KAT8: variants seen among roughly 807,000 people sequenced by gnomAD.
The protein encoded by KAT8 is lysine acetyltransferase 8.
In KAT8, 40 loss-of-function variants were observed where a neutral mutation model predicts 62.9. The ratio of observed to expected loss-of-function variants is 0.64; its 90% CI spans 0.49 to 0.83. The LOEUF (loss-of-function observed/expected upper bound fraction) is 0.83, where lower values mean the gene tolerates loss of function less well. Ranked by LOEUF, KAT8 falls within the 40% of genes least tolerant of loss-of-function variation. The pLI, the probability that KAT8 is intolerant of heterozygous loss-of-function variation, is 0.00. For missense variants in KAT8, 387 were observed against 614.8 expected, an observed-to-expected ratio of 0.63 and a Z score of 3.92; for synonymous variants, 278 against 254.5, an observed-to-expected ratio of 1.09 and a Z score of -0.88.
Position 31,120,376 on chromosome 16 carries a change from G to T in KAT8, c.324G>T (p.Arg108=). Residue 108 remains arginine (R), a synonymous_variant, in exon 3 of 11, where the codon CGG becomes CGT. Transcript: ENST00000219797. The stretch of plus-strand genomic sequence containing the variant: ...TGGACGAGTGGGTAGACAAGAACCG[G>T]CTGGCGCTGACCAAGACAGTGAAGG... ...RRLDEWVDKN[R]LALTKTVKDA... The T allele has an allele frequency of 6.2e-7, 1 of 1,614,062 alleles. No individual in the cohort carries two copies. The highest frequency in any genetic ancestry group is 8.5e-7 in the Non-Finnish European group (1 of 1,179,956).
intron 6 of KAT8, among the ~76,000 whole-genome samples, chr16:31,129,590 G>C (rs1300295864): frequency 1.3e-5 from 2 of 152,296 alleles, no homozygotes; most frequent in Non-Finnish European, 2.9e-5. Context: ...AGGGCTCGAG[G>C]TTCCTCCATT....
In KAT8 at chr16:31,130,487, C is replaced by T. The variant is rs757723541; in HGVS notation, c.1038C>T (p.Val346=). The change falls in exon 9 of 11, where the codon GTC becomes GTT. Residue 346 remains valine, a synonymous_variant. Transcript: ENST00000219797. ...SYELSKLEST[V]GSPEKPLSDL... is the part of the protein sequence containing the mutation. Reference sequence around the variant, plus strand: ...AGCTCTCCAAGCTGGAGAGCACAGTCGGCTCCCCGGAGAAGCCACTGTCTG... The same window carrying T: ...AGCTCTCCAAGCTGGAGAGCACAGTTGGCTCCCCGGAGAAGCCACTGTCTG... 1.2e-5 allele frequency: 19 copies of T among 1,613,992 alleles called. No individual in the cohort carries two copies. Among genetic ancestry groups the T allele is most frequent in the African/African-American group, 2.7e-5 (2 of 74,926 alleles).
At chr16:31,127,465 A>G in intron 5 of KAT8, 112 bp downstream of exon 5, 2 of 1,107,378 alleles carry the variant, frequency 1.8e-6, no homozygotes, top group East Asian at 2.4e-5. Flanking sequence ...ACAGGCCCAA[A>G]GGAGCGAGTA....
chr16:31,127,073 GA>G lies in KAT8; in HGVS notation c.503del (p.Lys168ArgfsTer9). ...TGGACCCCACCACAGCAGCCTTGGA[GA>G]AGGAGCATGAGGCGGTAAGTGGGGC... ...EMDPTTAALE[K>X]EHEAITKVKY... On this transcript the variant is annotated frameshift_variant, in exon 4 of 11. Coordinates refer to ENST00000219797, the MANE Select transcript of KAT8 (RefSeq NM_032188.3). LOFTEE classifies it high-confidence loss of function. The G allele has an allele frequency of 6.2e-7, 1 of 1,614,176 alleles. No individual in the cohort carries two copies. Among genetic ancestry groups the G allele is most frequent in the Non-Finnish European group, 8.5e-7 (1 of 1,180,040 alleles).
In KAT8 at chr16:31,128,061, G is replaced by C. The variant is rs981934005; in HGVS notation, c.693G>C (p.Gln231His). The C allele has an allele frequency of 1.9e-6, 3 of 1,613,772 alleles. No homozygotes were observed. In the African/African-American group the frequency reaches 4.0e-5, roughly 22 times the overall value. Reference sequence around the variant, plus strand: ...TTGTCCCCGACCAGGGTCAGTGCCAGTGGCGGCAGCCCCCCGGGAAAGAGA... The same window carrying C: ...TTGTCCCCGACCAGGGTCAGTGCCACTGGCGGCAGCCCCCCGGGAAAGAGA... Reference protein sequence around the residue: ...KSYRFHLGQCQWRQPPGKEIY... With the variant: ...KSYRFHLGQCHWRQPPGKEIY... The change falls in exon 6 of 11, where the codon CAG becomes CAC. Residue 231 changes from glutamine (Q) to histidine (H), a missense_variant. By Grantham distance (24) the Gln-to-His change is conservative. Coordinates refer to ENST00000219797, the MANE Select transcript of KAT8 (RefSeq NM_032188.3).
chr16:31,131,208 C>T lies in KAT8; in HGVS notation c.1326C>T (p.Cys442=), dbSNP rs992683167. Residue 442 remains cysteine (C), a synonymous_variant, in exon 11 of 11, where the codon TGC becomes TGT. Coordinates refer to ENST00000219797, the MANE Select transcript of KAT8 (RefSeq NM_032188.3). ...KKPPITVDSV[C]LKWAPPKHKQ... is the part of the protein sequence containing the mutation. Reference sequence around the variant, plus strand: ...TTCTCCCCACAGTGGACTCCGTCTGCCTCAAGTGGGCACCCCCCAAGCACA... The same window carrying T: ...TTCTCCCCACAGTGGACTCCGTCTGTCTCAAGTGGGCACCCCCCAAGCACA... The T allele has an allele frequency of 6.2e-7, 1 of 1,614,126 alleles. No individual in the cohort carries two copies. Among genetic ancestry groups the T allele is most frequent in the Admixed American group, 1.7e-5 (1 of 60,024 alleles).
rs747070698 is a variant in KAT8, at chr16:31,127,059, A to G, written c.487A>G (p.Thr163Ala). 1 of 1,614,134 alleles carries G rather than the reference A, an allele frequency of 6.2e-7. No homozygotes were observed. ...GACTTATGCAGAGATGGACCCCACCACAGCAGCCTTGGAGAAGGAGCATGA... is the reference window on the plus strand; with the variant it reads ...GACTTATGCAGAGATGGACCCCACCGCAGCAGCCTTGGAGAAGGAGCATGA... ...QKTYAEMDPT[T>A]AALEKEHEAI... Residue 163 changes from threonine to alanine, a missense_variant, in exon 4 of 11, where the codon ACA becomes GCA. This residue lies in a region of KAT8 where 8 missense variants were observed against 57.0 expected (regional missense o/e 0.14). Transcript: ENST00000219797.
At position 31,131,009 on chromosome 16, in the gene KAT8, C is replaced by T. The variant is rs1303222320; in HGVS notation, c.1312+109C>T. 5.9e-6 allele frequency: 9 copies of T among 1,520,454 alleles called. No individual in the cohort carries two copies. In the East Asian group the frequency reaches 2.2e-4, roughly 37 times the overall value. The allele number at this position is 1,520,454 out of a possible 1,614,324, so 94.2% of individuals were successfully genotyped here. On this transcript the variant is annotated intron_variant, in intron 10 of 10. Transcript: ENST00000219797. ...GTCACATGATCCCAAACCAGTCAGA[C>T]CAGCTCCCAGGATGGAGCCCGGGGC...
chr16:31,118,815 T>G (rs573530641), intron 1 of KAT8: 14 of 152,004 alleles, frequency 9.2e-5, no homozygotes, highest in African/African-American at 3.1e-4. Context: ...AATTGTCAGG[T>G]GCGCTGCTAA....
At chr16:31,125,039 T>C (rs2057523358) in intron 3 of KAT8, among the ~76,000 whole-genome samples, 1 of 151,248 alleles carries the variant, frequency 6.6e-6, no homozygotes, top group Admixed American at 6.6e-5. Context: ...AAAAACAAAA[T>C]AAATTAGCTG....
At chr16:31,130,394 A>T (rs1266703615) in intron 8 of KAT8, 34 bp downstream of exon 8, 2 of 1,613,822 alleles carry the variant, frequency 1.2e-6, no homozygotes, top group Non-Finnish European at 1.7e-6. Flanking sequence ...GGAGGGGGAG[A>T]CCTGTGGGGC....
At position 31,117,747 on chromosome 16, in the gene KAT8, G is replaced by A; in HGVS notation, c.66G>A (p.Glu22=). 1 of 1,379,952 alleles carries A rather than the reference G, an allele frequency of 7.2e-7. No homozygotes were observed. The highest frequency in any genetic ancestry group is 9.4e-7 in the Non-Finnish European group (1 of 1,059,444). 85.5% of individuals were successfully genotyped at this position (1,379,952 alleles called of 1,614,324 possible). Residue 22 remains glutamate, a synonymous_variant, in exon 1 of 11, where the codon GAG becomes GAA. Coordinates refer to ENST00000219797, the MANE Select transcript of KAT8 (RefSeq NM_032188.3). ...AGTSGVAGEG[E]PGPGENAAAE... Reference sequence around the variant, plus strand: ...CTTCAGGGGTCGCGGGGGAGGGCGAGCCCGGGCCCGGGGAGAATGCGGCCG... The same window carrying A: ...CTTCAGGGGTCGCGGGGGAGGGCGAACCCGGGCCCGGGGAGAATGCGGCCG...
At chr16:31,118,293 C>G (rs551573633) in intron 1 of KAT8, 2 of 170,640 alleles carry the variant, frequency 1.2e-5, no homozygotes, top group African/African-American at 4.7e-5. Context: ...ACAGGCTTCC[C>G]TTTCCTAAAG....
In KAT8 at chr16:31,127,308, C is replaced by T. The variant is rs781487769; in HGVS notation, c.636C>T (p.Tyr212=). 4 of 1,614,254 alleles carry T rather than the reference C, an allele frequency of 2.5e-6. No individual in the cohort carries two copies. Among genetic ancestry groups the T allele is most frequent in the African/African-American group, 1.3e-5 (1 of 75,078 alleles). ...GKQPKLWLCE[Y]CLKYMKYEKS... ...AGCCCAAGCTCTGGCTCTGCGAGTA[C>T]TGCCTCAAGTACATGAAATATGAGA... Residue 212 remains tyrosine (Y), a synonymous_variant, in exon 5 of 11, where the codon TAC becomes TAT. Coordinates refer to ENST00000219797, the MANE Select transcript of KAT8 (RefSeq NM_032188.3).
intron 3 of KAT8, among the ~76,000 whole-genome samples, chr16:31,121,755 GTTA>G (rs1431596335): frequency 6.6e-6 from 1 of 151,512 alleles, no homozygotes; most frequent in African/African-American, 2.4e-5. Context: ...ACATATTATT[GTTA>G]TTTTTTTTTT....
rs2057568815 is a variant in KAT8 at position 31,130,436 on chromosome 16, C to T, written c.1007-20C>T. On this transcript the variant is annotated intron_variant, in intron 8 of 10. Coordinates refer to ENST00000219797, the MANE Select transcript of KAT8 (RefSeq NM_032188.3). The stretch of plus-strand genomic sequence containing the variant: ...GCCAGGGCAGGCTGGATCCTAAGTT[C>T]CTCTTTCTACTGCTGCCAGGTTATG... 9 of 1,614,006 alleles carry T rather than the reference C, an allele frequency of 5.6e-6. No homozygotes were observed. The highest frequency in any genetic ancestry group is 1.3e-5 in the African/African-American group (1 of 74,942).
intron 3 of KAT8, among the ~76,000 whole-genome samples, chr16:31,121,414 C>T (rs756169763): frequency 6.6e-6 from 1 of 151,566 alleles, no homozygotes; most frequent in Non-Finnish European, 1.5e-5. Flanking sequence ...AGCTACTGCG[C>T]CCGGCCTAAG....
intron 3 of KAT8, among the ~76,000 whole-genome samples, chr16:31,123,052 G>A (rs1044811735): frequency 6.6e-6 from 1 of 151,962 alleles, no homozygotes; most frequent in Non-Finnish European, 1.5e-5. Context: ...GCGTGGTGGT[G>A]CACACCTGTA....
At chr16:31,129,204 C>T (rs1034519245) in intron 6 of KAT8, among the ~76,000 whole-genome samples, 3 of 152,178 alleles carry the variant, frequency 2.0e-5, no homozygotes, top group Non-Finnish European at 4.4e-5. Flanking sequence ...TAAACACGGG[C>T]CTTGTTATTA....
Sources: allele counts gnomAD v4.1 joint callset (sites outside exome capture counted in the v4.1 genomes callset), GRCh38; gene constraint gnomAD v4.1.1; regional missense constraint gnomAD v4.1.1; transcripts MANE v1.5; gene names NCBI Gene and HGNC (gene_info 2026-07-23, HGNC 2026-07-21).